The following MARCHF1 variants were observed in gnomAD, a reference collection of about 807,000 sequenced individuals.
MARCHF1 encodes the protein membrane associated ring-CH-type finger 1.
MARCHF1 carries 40 observed loss-of-function variants against 54.2 expected under a neutral mutation model. That is an observed-to-expected ratio of 0.74 (90% CI 0.57 to 0.96). The LOEUF (loss-of-function observed/expected upper bound fraction) is 0.96. Among genes scored for constraint, MARCHF1 ranks in the 40% least tolerant of loss-of-function variants. MARCHF1 has a pLI of 0.00. For synonymous variants in MARCHF1, 236 were observed against 236.3 expected (o/e 1.00, Z 0.01); for missense variants, 586 against 656.5 (o/e 0.89, Z 1.17).
chr4:163,656,015 A>T (rs1743125568), intron 5 of MARCHF1, among the ~76,000 whole-genome samples: 1 of 151,908 alleles, frequency 6.6e-6, no homozygotes, highest in Non-Finnish European at 1.5e-5. Context: ...TCAAAAGCAA[A>T]CAAACCCCAA....
intron 4 of MARCHF1, among the ~76,000 whole-genome samples, chr4:163,813,673 A>G (rs1043804511): frequency 6.6e-6 from 1 of 152,220 alleles, no homozygotes; most frequent in Non-Finnish European, 1.5e-5. Context: ...ATAAAACTAT[A>G]AAGTGAAGAA....
chr4:163,612,732 C>G lies in MARCHF1; in HGVS notation c.549G>C (p.Leu183=). 1 of 1,535,532 alleles carries G rather than the reference C, an allele frequency of 6.5e-7. No individual in the cohort carries two copies. ...TATTATTTCTCCTCCTTCTTCTTGA[C>G]AGTCTGAATTTAACCTGGGCTCTTC... The part of the protein sequence containing the change: ...AKRRAQVKFR[L]SRRRRRNNNK... The change falls in exon 7 of 10, where the codon CTG becomes CTC. Residue 183 remains leucine (L), a synonymous_variant. Coordinates refer to ENST00000514618, the MANE Select transcript of MARCHF1 (RefSeq NM_001394959.1).
intron 5 of MARCHF1, among the ~76,000 whole-genome samples, chr4:163,637,287 A>G (rs1392026632): frequency 6.6e-6 from 1 of 152,196 alleles, no homozygotes; most frequent in Admixed American, 6.5e-5. Context: ...AGCAAAAGAA[A>G]CTACCATCAG....
intron 1 of MARCHF1, among the ~76,000 whole-genome samples, chr4:164,372,077 G>C (rs1731052204): frequency 6.6e-6 from 1 of 152,036 alleles, no homozygotes; most frequent in African/African-American, 2.4e-5. Context: ...CCTTTCTCAA[G>C]AAAAATAAAT....
intron 2 of MARCHF1, among the ~76,000 whole-genome samples, chr4:164,020,550 C>G (rs931731072): frequency 6.6e-6 from 1 of 152,218 alleles, no homozygotes; most frequent in African/African-American, 2.4e-5. Context: ...CAGAGTATAT[C>G]TTCCCCACAC....
intron 2 of MARCHF1, among the ~76,000 whole-genome samples, chr4:164,015,159 G>T (rs1051202519): frequency 5.9e-5 from 9 of 152,092 alleles, no homozygotes; most frequent in Admixed American, 1.3e-4. Context: ...ATCCATTATG[G>T]TTATCTCATT....
chr4:164,142,880 C>T (rs556063517), intron 1 of MARCHF1, among the ~76,000 whole-genome samples: 2,843 of 151,806 alleles, frequency 0.019, 82 homozygotes, highest in African/African-American at 0.065. Flanking sequence ...CTCTGAGCTA[C>T]GGGAGGACAT....
intron 8 of MARCHF1, chr4:163,584,859 T>C (rs1348944118): frequency 6.6e-6 from 1 of 152,248 alleles, no homozygotes; most frequent in African/African-American, 2.4e-5. Flanking sequence ...AAAGCAACTC[T>C]GGGATGATTC....
chr4:163,721,027 T>A (rs887189490), intron 4 of MARCHF1, among the ~76,000 whole-genome samples: 8 of 152,298 alleles, frequency 5.3e-5, no homozygotes, highest in African/African-American at 1.7e-4. Context: ...TATTTCTTTC[T>A]CCTACCTGAC....
At chr4:164,345,444 T>C (rs1388228869) in intron 1 of MARCHF1, among the ~76,000 whole-genome samples, 2 of 151,916 alleles carry the variant, frequency 1.3e-5, no homozygotes, top group Admixed American at 6.6e-5. Flanking sequence ...TAGTGGCGCA[T>C]GCTTGTAATC....
intron 5 of MARCHF1, among the ~76,000 whole-genome samples, chr4:163,636,400 C>T (rs951718571): frequency 6.2e-5 from 9 of 144,780 alleles, no homozygotes; most frequent in Non-Finnish European, 1.2e-4. Context: ...AGCAAAGTCT[C>T]AGGATACAAA....
chr4:164,355,406 C>T (rs1465314336), intron 1 of MARCHF1, among the ~76,000 whole-genome samples: 1 of 123,068 alleles, frequency 8.1e-6, no homozygotes, highest in African/African-American at 3.0e-5. Flanking sequence ...GGTACTGGTA[C>T]CAAAACAGAG....
At chr4:163,567,091 A>G (rs1419463535) in intron 8 of MARCHF1, among the ~76,000 whole-genome samples, 2 of 152,158 alleles carry the variant, frequency 1.3e-5, no homozygotes, top group African/African-American at 4.8e-5. Context: ...GCATGTAACA[A>G]AGCTGCATTT....
At chr4:163,861,856 G>A (rs1220545412) in intron 3 of MARCHF1, among the ~76,000 whole-genome samples, 1 of 61,306 alleles carries the variant, frequency 1.6e-5, no homozygotes, top group African/African-American at 4.0e-5. Flanking sequence ...AAGACAGTGT[G>A]GTGTTGGAAA....
intron 4 of MARCHF1, among the ~76,000 whole-genome samples, chr4:163,722,673 G>C (rs1002438240): frequency 2.0e-5 from 3 of 152,156 alleles, no homozygotes; most frequent in Non-Finnish European, 4.4e-5. Flanking sequence ...AAATCTCTTT[G>C]TAGATCTCTA....
At chr4:163,625,773 T>C (rs1438187591) in intron 5 of MARCHF1, among the ~76,000 whole-genome samples, 1 of 152,234 alleles carries the variant, frequency 6.6e-6, no homozygotes, top group Non-Finnish European at 1.5e-5. Flanking sequence ...AGTATGAATT[T>C]CTATTTAGGA....
At chr4:163,664,867 A>T (rs1743476498) in intron 5 of MARCHF1, among the ~76,000 whole-genome samples, 1 of 152,084 alleles carries the variant, frequency 6.6e-6, no homozygotes, top group African/African-American at 2.4e-5. Context: ...AGGGCCTATG[A>T]TATTTTCAAA....
chr4:164,270,750 G>A (rs1733725551), intron 1 of MARCHF1, among the ~76,000 whole-genome samples: 1 of 152,148 alleles, frequency 6.6e-6, no homozygotes, highest in Non-Finnish European at 1.5e-5. Context: ...TAGGAAAAGA[G>A]GAAGGGATAT....
intron 1 of MARCHF1, among the ~76,000 whole-genome samples, chr4:164,234,170 C>T (rs1318392556): frequency 6.6e-6 from 1 of 152,068 alleles, no homozygotes; most frequent in South Asian, 2.1e-4. Flanking sequence ...AGGATAATTA[C>T]CTTCTGGATG....
Sources: gnomAD v4.1 joint callset for allele counts (sites outside exome capture counted in the v4.1 genomes callset) on GRCh38, gnomAD v4.1.1 for gene constraint, MANE v1.5 for transcripts, NCBI Gene and HGNC (gene_info 2026-07-23, HGNC 2026-07-21) for gene names.